Variants in MARK4 observed in about 807,000 individuals in gnomAD.
The protein encoded by MARK4 is MAP/microtubule affinity-regulating kinase 4.
MARK4 carries 19 observed loss-of-function variants against 81.5 expected under a neutral mutation model. That is an observed-to-expected ratio of 0.23 (90% confidence interval 0.16 to 0.34). The LOEUF is 0.34. MARK4 is among the 10% of genes least tolerant of loss of function. The pLI, the probability that MARK4 is intolerant of heterozygous loss-of-function variation, is 1.00. For missense variants in MARK4, 772 were observed against 1,058.8 expected (o/e 0.73, Z 3.76); for synonymous variants, 436 against 439.0 (o/e 0.99, Z 0.08).
At chr19:45,258,199 C>T (rs146104065) in intron 1 of MARK4, among the ~76,000 whole-genome samples, 2,085 of 151,120 alleles carry the variant, frequency 0.014, 47 homozygotes, top group African/African-American at 0.047. Context: ...ATTGGCCAGG[C>T]TGGTCTCGAA....
rs1971028981 is a variant in MARK4 at position 45,304,832 on chromosome 19, A to C, written c.*2122A>C. ...TTAGGCACAGCAAATGGCACATACA[A>C]GGGCCAGGGAGCAAGAGAGAGGACA... On this transcript the variant is annotated 3_prime_UTR_variant, in exon 17 of 17. Coordinates refer to ENST00000262891, the MANE Select transcript of MARK4 (RefSeq NM_001199867.2). 1 of 152,376 alleles carries C rather than the reference A, an allele frequency of 6.6e-6. No homozygotes were observed. The highest frequency in any genetic ancestry group is 2.4e-5 in the African/African-American group (1 of 41,452). 9.4% of individuals were successfully genotyped at this position (152,376 alleles called of 1,614,324 possible).
Position 45,263,314 on chromosome 19 carries a change from C to T in MARK4, c.307-5C>T, listed in dbSNP as rs762203981. 6.2e-7 allele frequency: 1 copy of T among 1,614,200 alleles called. No homozygotes were observed. The highest frequency in any genetic ancestry group is 1.1e-5 in the South Asian group (1 of 91,090). On this transcript the variant is annotated splice_polypyrimidine_tract_variant and splice_region_variant and intron_variant, in intron 3 of 16. Coordinates refer to ENST00000262891, the MANE Select transcript of MARK4 (RefSeq NM_001199867.2). ...TCCTCTGTCTTCCTTTCTGGCCACG[C>T]CCAGCTGTTCCGAGAAGTCCGCATC...
At chr19:45,287,896 A>G in intron 13 of MARK4, 1 of 598,908 alleles carries the variant, frequency 1.7e-6, no homozygotes, top group Non-Finnish European at 3.0e-6. Flanking sequence ...GAAGTGCAGA[A>G]CGTACTCTTG....
At chr19:45,276,127 A>G (rs937435991) in intron 8 of MARK4, among the ~76,000 whole-genome samples, 2 of 152,116 alleles carry the variant, frequency 1.3e-5, no homozygotes, top group African/African-American at 4.8e-5. Flanking sequence ...CCCGGGCTCA[A>G]GCAATCCTCC....
At position 45,251,274 on chromosome 19, in the gene MARK4, C is replaced by T. The variant is rs1221091218; in HGVS notation, c.-315C>T. On this transcript the variant is annotated 5_prime_UTR_variant, in exon 1 of 17. Transcript: ENST00000262891. ...CCCCTCCCCCTGACGTCCCTTCCTC[C>T]CTCCCCAGCCCCTCCACCGCCTCCC... 7.0e-6 allele frequency: 1 copy of T among 142,580 alleles called. No homozygotes were observed. The highest frequency in any genetic ancestry group is 1.5e-5 in the Non-Finnish European group (1 of 64,774). The allele number at this position is 142,580 out of a possible 1,614,324, so 8.8% of individuals were successfully genotyped here.
chr19:45,282,853 G>A (rs954986118), intron 12 of MARK4, among the ~76,000 whole-genome samples: 1 of 151,632 alleles, frequency 6.6e-6, no homozygotes, highest in Non-Finnish European at 1.5e-5. Context: ...AAAATTAGGT[G>A]TGGTAGTACA....
rs1414748353 is a variant in MARK4 at position 45,271,931 on chromosome 19, A to G, written c.786+223A>G. Reference sequence around the variant, plus strand: ...ATGATCTTTGCAGCTGATAGGCTTGAGTTCAAATCCTGACTCATCCGTTCA... The same window carrying G: ...ATGATCTTTGCAGCTGATAGGCTTGGGTTCAAATCCTGACTCATCCGTTCA... On this transcript the variant is annotated intron_variant, in intron 8 of 16. Coordinates refer to ENST00000262891, the MANE Select transcript of MARK4 (RefSeq NM_001199867.2). The surrounding 1 kb of genome is among the most constrained non-coding windows in gnomAD (Gnocchi z 4.1). Among the ~76,000 whole-genome samples, 9 of 152,220 alleles carry G rather than the reference A, an allele frequency of 5.9e-5. No homozygotes were observed. The highest frequency in any genetic ancestry group is 1.5e-5 in the Non-Finnish European group (1 of 68,046).
chr19:45,283,773 A>G (rs765286443), intron 12 of MARK4, among the ~76,000 whole-genome samples: 1 of 152,042 alleles, frequency 6.6e-6, no homozygotes, highest in Non-Finnish European at 1.5e-5. Context: ...TTTTGCCGTC[A>G]TTTCTCTTGG....
chr19:45,283,937 G>C (rs899340072), intron 12 of MARK4, among the ~76,000 whole-genome samples: 1 of 152,122 alleles, frequency 6.6e-6, no homozygotes. Flanking sequence ...GTACTAGGCT[G>C]TCTGCTTGTC....
rs1180027619 is a variant in MARK4 at position 45,304,775 on chromosome 19, A to C, written c.*2065A>C. On this transcript the variant is annotated 3_prime_UTR_variant, in exon 17 of 17. Coordinates refer to ENST00000262891, the MANE Select transcript of MARK4 (RefSeq NM_001199867.2). The stretch of plus-strand genomic sequence containing the variant: ...GCCAGGGAGGGCTTCCTGGAGGAGA[A>C]GGAGCCAGCTAGACATGGATAGGAG... 6.5e-6 allele frequency: 1 copy of C among 152,862 alleles called. No homozygotes were observed. Among genetic ancestry groups the C allele is most frequent in the African/African-American group, 2.4e-5 (1 of 41,470 alleles). The allele number at this position is 152,862 out of a possible 1,614,324, so 9.5% of individuals were successfully genotyped here. A position where few individuals can be genotyped will look rare whatever the true frequency, so the allele number is the denominator to read the frequency against.
intron 12 of MARK4, among the ~76,000 whole-genome samples, chr19:45,281,732 G>C (rs1240442778): frequency 6.6e-6 from 1 of 152,150 alleles, no homozygotes; most frequent in Non-Finnish European, 1.5e-5. Context: ...TCTGATATCA[G>C]AGTCAAGTTT....
intron 8 of MARK4, 52 bp from the exon 9 acceptor site, chr19:45,277,871 A>T: frequency 5.9e-6 from 7 of 1,190,438 alleles, no homozygotes; most frequent in Admixed American, 2.4e-5. Flanking sequence ...GTGTGTGTGT[A>T]ATAGGTGGGG....
At chr19:45,264,017 G>A (rs1449521878) in intron 4 of MARK4, among the ~76,000 whole-genome samples, 4 of 152,266 alleles carry the variant, frequency 2.6e-5, no homozygotes, top group Non-Finnish European at 5.9e-5. Context: ...CGGGAGTGAG[G>A]GGTCTTTAGT....
intron 7 of MARK4, among the ~76,000 whole-genome samples, chr19:45,267,111 T>C (rs1028100501): frequency 1.3e-5 from 2 of 151,756 alleles, no homozygotes; most frequent in Non-Finnish European, 2.9e-5. Flanking sequence ...CAGGCTGGAG[T>C]GTAGTGGCCC....
At chr19:45,257,419 T>C (rs1568489410) in intron 1 of MARK4, among the ~76,000 whole-genome samples, 2 of 146,900 alleles carry the variant, frequency 1.4e-5, no homozygotes, top group African/African-American at 2.5e-5. Context: ...AGTCCCACTC[T>C]GTCACCCAGA....
Position 45,271,811 on chromosome 19 carries a change from C to A in MARK4, c.786+103C>A. The A allele has an allele frequency of 8.9e-7, 1 of 1,126,182 alleles. No individual in the cohort carries two copies. The highest frequency in any genetic ancestry group is 1.3e-6 in the Non-Finnish European group (1 of 784,548). 69.8% of individuals were successfully genotyped at this position (1,126,182 alleles called of 1,614,324 possible). On this transcript the variant is annotated intron_variant, in intron 8 of 16. Coordinates refer to ENST00000262891, the MANE Select transcript of MARK4 (RefSeq NM_001199867.2). The surrounding 1 kb of genome is among the most constrained non-coding windows in gnomAD (Gnocchi z 4.1). ...AGAGGGCCTCAGTGGTGGGACTGGC[C>A]TGAGTTCTCATGGGAAGATGGGGGA...
intron 15 of MARK4, among the ~76,000 whole-genome samples, chr19:45,299,385 C>T (rs1359115010): frequency 6.6e-6 from 1 of 152,126 alleles, no homozygotes; most frequent in Admixed American, 6.5e-5. Flanking sequence ...GATCACGCCA[C>T]TCCTGCATGA....
intron 9 of MARK4, 69 bp from the exon 10 acceptor site, chr19:45,278,447 C>A: frequency 7.2e-7 from 1 of 1,382,878 alleles, no homozygotes; most frequent in Non-Finnish European, 1.0e-6. Flanking sequence ...TGGGGCAGGG[C>A]AGAAGCTGTA....
At chr19:45,282,688 G>C (rs1421739236) in intron 12 of MARK4, among the ~76,000 whole-genome samples, 3 of 152,126 alleles carry the variant, frequency 2.0e-5, no homozygotes, top group African/African-American at 7.2e-5. Context: ...AGCCAGGCAT[G>C]GTGGCGGGCA....
Sources: gnomAD v4.1 joint callset for allele counts (sites outside exome capture counted in the v4.1 genomes callset) on GRCh38, gnomAD v4.1.1 for gene constraint, Gnocchi (gnomAD v3.1) non-coding constraint, MANE v1.5 for transcripts, NCBI Gene and HGNC (gene_info 2026-07-23, HGNC 2026-07-21) for gene names.